The following MAP2K5 variants were observed in gnomAD, a reference collection of about 807,000 sequenced individuals.
MAP2K5 encodes the protein mitogen-activated protein kinase kinase 5, also known as dual specificity mitogen-activated protein kinase kinase 5.
A neutral mutation model predicts 83.1 loss-of-function variants in MAP2K5; 49 were observed. That is an observed-to-expected ratio of 0.59 (90% confidence interval 0.47 to 0.75). The LOEUF is 0.75. MAP2K5 is among the 30% of genes least tolerant of loss of function. MAP2K5 has a pLI of 0.00. For synonymous variants in MAP2K5, 202 were observed against 191.8 expected (o/e 1.05, Z -0.44); for missense variants, 457 against 557.5 (o/e 0.82, Z 1.82).
Position 67,580,818 on chromosome 15 carries a change from C to T in MAP2K5, c.317C>T (p.Pro106Leu), listed in dbSNP as rs745452650. The change falls in exon 4 of 22, where the codon CCA (proline) becomes CTA (leucine). Residue 106 changes from proline to leucine, a missense_variant. This residue lies in a region of MAP2K5 where 234 missense variants were observed against 243.6 expected (regional missense o/e 0.96). Transcript: ENST00000178640. ...GQLIEPLQIF[P>L]RACKPPGERN... ...TTAATAGAGCCTCTGCAGATATTTC[C>T]AAGAGGTAATGTTGAGCAAATTCTA... is the stretch of plus-strand genomic sequence containing the variant. The T allele has an allele frequency of 6.9e-6, 11 of 1,603,036 alleles. No homozygotes were observed. The South Asian group carries it at 1.1e-4, about 16-fold the overall frequency.
At chr15:67,706,546 C>T (rs1054188166) in intron 16 of MAP2K5, among the ~76,000 whole-genome samples, 2 of 151,938 alleles carry the variant, frequency 1.3e-5, no homozygotes, top group Non-Finnish European at 2.9e-5. Flanking sequence ...GGTAAGGAGC[C>T]GGGTGTTACA....
chr15:67,582,137 C>T (rs2085192424), intron 4 of MAP2K5, among the ~76,000 whole-genome samples: 1 of 149,276 alleles, frequency 6.7e-6, no homozygotes, highest in Non-Finnish European at 1.5e-5. Context: ...TCTCAGCTCA[C>T]CGCAACCTCT....
intron 6 of MAP2K5, among the ~76,000 whole-genome samples, chr15:67,590,654 T>C (rs533453292): frequency 6.6e-6 from 1 of 151,994 alleles, no homozygotes; most frequent in East Asian, 1.9e-4. Flanking sequence ...GGCCCTACTA[T>C]GTTGCCCAGG....
rs1011678185 is a variant in MAP2K5 at position 67,748,934 on chromosome 15, G to A, written c.1134+333G>A. Among the ~76,000 whole-genome samples, 6 of 152,136 alleles carry A rather than the reference G, an allele frequency of 3.9e-5. No homozygotes were observed. The highest frequency in any genetic ancestry group is 1.4e-4 in the African/African-American group (6 of 41,428). On this transcript the variant is annotated intron_variant, in intron 19 of 21. Transcript: ENST00000178640. This position sits in a 1 kb window ranked among gnomAD's most constrained non-coding sequence, Gnocchi z 4.0. ...AATGATATCATTTTTTTCTGCAACA[G>A]TTATTTAAAGTCATTCAGTAGGCAA...
chr15:67,677,162 C>G lies in MAP2K5; in HGVS notation c.847+12517C>G, dbSNP rs2087702838. Reference sequence around the variant, plus strand: ...AACTTCCCAAGATCACCCAACTATTCACTGCCAAAGCTGGGATAATCCATC... The same window carrying G: ...AACTTCCCAAGATCACCCAACTATTGACTGCCAAAGCTGGGATAATCCATC... On this transcript the variant is annotated intron_variant, in intron 13 of 21. Transcript: ENST00000178640. The surrounding 1 kb of genome is among the most constrained non-coding windows in gnomAD (Gnocchi z 4.2). Among the ~76,000 whole-genome samples the G allele has an allele frequency of 6.6e-6, 1 of 152,176 alleles. No individual in the cohort carries two copies. The highest frequency in any genetic ancestry group is 6.5e-5 in the Admixed American group (1 of 15,278).
chr15:67,683,715 G>A (rs536815966), intron 13 of MAP2K5, among the ~76,000 whole-genome samples: 17 of 152,158 alleles, frequency 1.1e-4, no homozygotes, highest in East Asian at 3.9e-4. Context: ...AGCCGAGATC[G>A]CGCCATTGCA....
chr15:67,688,994 G>A (rs1442690943), intron 13 of MAP2K5, among the ~76,000 whole-genome samples: 1 of 152,048 alleles, frequency 6.6e-6, no homozygotes, highest in Non-Finnish European at 1.5e-5. Context: ...TGCTCGGAAG[G>A]GATACATTTA....
Position 67,640,122 on chromosome 15 carries a change from C to T in MAP2K5, c.586-6109C>T, listed in dbSNP as rs1199334365. On this transcript the variant is annotated intron_variant, in intron 9 of 21. Transcript: ENST00000178640. The surrounding 1 kb of genome is among the most constrained non-coding windows in gnomAD (Gnocchi z 4.6). ...GAACAGATCTTATTTATCTTCTTGCCTTACTCCGTGATTCCTGCAGATCCT... is the reference window on the plus strand; with the variant it reads ...GAACAGATCTTATTTATCTTCTTGCTTTACTCCGTGATTCCTGCAGATCCT... 6.6e-6 allele frequency among the ~76,000 whole-genome samples: 1 copy of T among 152,154 alleles called. No homozygotes were observed. The highest frequency in any genetic ancestry group is 1.5e-5 in the Non-Finnish European group (1 of 68,032).
chr15:67,592,650 T>C (rs1390919173), intron 6 of MAP2K5, among the ~76,000 whole-genome samples: 1 of 152,224 alleles, frequency 6.6e-6, no homozygotes, highest in Non-Finnish European at 1.5e-5. Context: ...CTAATGACCA[T>C]AAAAATGTCA....
At chr15:67,718,814 A>G (rs1164524398) in intron 16 of MAP2K5, among the ~76,000 whole-genome samples, 1 of 152,164 alleles carries the variant, frequency 6.6e-6, no homozygotes, top group Non-Finnish European at 1.5e-5. Context: ...TATGGGGTAC[A>G]TGAGATATTT....
intron 17 of MAP2K5, among the ~76,000 whole-genome samples, chr15:67,743,300 C>T (rs2089533859): frequency 6.6e-6 from 1 of 152,114 alleles, no homozygotes; most frequent in African/African-American, 2.4e-5. Flanking sequence ...GCTAAATCTT[C>T]CTGTGACTTT....
intron 8 of MAP2K5, among the ~76,000 whole-genome samples, chr15:67,619,351 A>G (rs941495811): frequency 2.0e-5 from 3 of 152,148 alleles, no homozygotes; most frequent in African/African-American, 7.2e-5. Context: ...ATTGTCAGTC[A>G]GCCCCTATTA....
intron 12 of MAP2K5, among the ~76,000 whole-genome samples, chr15:67,661,797 GC>G (rs1468800042): frequency 6.6e-6 from 1 of 152,042 alleles, no homozygotes; most frequent in Non-Finnish European, 1.5e-5. Context: ...ATGCAGCTAA[GC>G]TTCTAAGTTG....
chr15:67,655,516 T>C (rs188005119), intron 11 of MAP2K5, among the ~76,000 whole-genome samples: 18 of 55,394 alleles, frequency 3.2e-4, no homozygotes, highest in African/African-American at 1.1e-3. Context: ...TTATAATCTT[T>C]TTCTTTCATG....
intron 4 of MAP2K5, 113 bp from the exon 5 acceptor site, chr15:67,585,777 C>A (rs1275559965): frequency 3.4e-6 from 3 of 884,190 alleles, no homozygotes; most frequent in African/African-American, 3.3e-5. Context: ...ACTTTTCAAT[C>A]ATTTCTCTCT....
At chr15:67,693,239 C>T (rs1288044951) in intron 14 of MAP2K5, among the ~76,000 whole-genome samples, 1 of 152,098 alleles carries the variant, frequency 6.6e-6, no homozygotes, top group Non-Finnish European at 1.5e-5. Flanking sequence ...TTATATCAGG[C>T]GGGTTTGGGA....
intron 8 of MAP2K5, among the ~76,000 whole-genome samples, chr15:67,618,173 A>G (rs552467813): frequency 6.6e-6 from 1 of 152,350 alleles, no homozygotes; most frequent in Non-Finnish European, 1.5e-5. Flanking sequence ...AGTTGGATTT[A>G]TCCCTAAGTA....
In MAP2K5 at chr15:67,738,454, A is replaced by G. The variant is rs2089395165; in HGVS notation, c.1075-9777A>G. ...ATTCAGGGTAGAGGGCATAGGAGGC[A>G]GCAAATGACACACCCGACAAGTGAC... is the stretch of plus-strand genomic sequence containing the variant. On this transcript the variant is annotated intron_variant, in intron 17 of 21. Coordinates refer to ENST00000178640, the MANE Select transcript of MAP2K5 (RefSeq NM_145160.3). This position sits in a 1 kb window ranked among gnomAD's most constrained non-coding sequence, Gnocchi z 4.1. Among the ~76,000 whole-genome samples the G allele has an allele frequency of 6.6e-6, 1 of 152,234 alleles. No homozygotes were observed. Among genetic ancestry groups the G allele is most frequent in the Non-Finnish European group, 1.5e-5 (1 of 68,046 alleles).
chr15:67,658,629 T>G lies in MAP2K5; in HGVS notation c.798+15T>G. The G allele has an allele frequency of 6.2e-7, 1 of 1,600,788 alleles. No individual in the cohort carries two copies. The highest frequency in any genetic ancestry group is 8.6e-7 in the Non-Finnish European group (1 of 1,169,316). ...TTGCAGTAGCAGTAAGTATATGGCT[T>G]CAGTGTTAGGAAATTTGAGTGATTT... On this transcript the variant is annotated intron_variant, in intron 12 of 21. Transcript: ENST00000178640.
Sources: gnomAD v4.1 joint callset for allele counts (sites outside exome capture counted in the v4.1 genomes callset) on GRCh38, gnomAD v4.1.1 for gene constraint, gnomAD v4.1.1 regional missense constraint, Gnocchi (gnomAD v3.1) non-coding constraint, MANE v1.5 for transcripts, NCBI Gene and HGNC (gene_info 2026-07-23, HGNC 2026-07-21) for gene names.